The following DAB1 variants were observed in gnomAD, a reference collection of about 807,000 sequenced individuals.
DAB1 encodes DAB adaptor protein 1.
In DAB1, 15 loss-of-function variants were observed where a neutral mutation model predicts 64.6. The ratio of observed to expected loss-of-function variants is 0.23; its 90% CI spans 0.16 to 0.36. The LOEUF (loss-of-function observed/expected upper bound fraction) is 0.36. Ranked by LOEUF, DAB1 falls within the 10% of genes least tolerant of loss-of-function variation. DAB1 has a pLI of 1.00. For missense variants in DAB1, 596 were observed against 706.7 expected (o/e 0.84, Z 1.78); for synonymous variants, 235 against 251.9 (o/e 0.93, Z 0.64).
intron 6 of DAB1, among the ~76,000 whole-genome samples, chr1:57,665,914 T>G (rs1646442689): frequency 2.0e-5 from 3 of 151,078 alleles, no homozygotes; most frequent in Admixed American, 6.6e-5. Context: ...TTTTTCAAAT[T>G]TCCTTTAATG....
At chr1:57,525,255 G>A (rs1644577235) in intron 7 of DAB1, among the ~76,000 whole-genome samples, 1 of 152,142 alleles carries the variant, frequency 6.6e-6, no homozygotes, top group Non-Finnish European at 1.5e-5. Flanking sequence ...AATGCACCAA[G>A]CCTGGTAATC....
intron 5 of DAB1, among the ~76,000 whole-genome samples, chr1:57,900,272 G>A (rs1644454224): frequency 1.3e-5 from 2 of 152,332 alleles, no homozygotes; most frequent in South Asian, 4.1e-4. Context: ...CCCATGGAGA[G>A]AGGTGTTCTT....
intron 4 of DAB1, among the ~76,000 whole-genome samples, chr1:58,171,949 G>A (rs552192712): frequency 6.6e-6 from 1 of 152,322 alleles, no homozygotes; most frequent in South Asian, 2.1e-4. Flanking sequence ...CCCTCAGCAA[G>A]GAACGAGTAC....
intron 7 of DAB1, among the ~76,000 whole-genome samples, chr1:57,600,370 C>CA (rs1219522723): frequency 6.6e-6 from 1 of 152,198 alleles, no homozygotes; most frequent in Non-Finnish European, 1.5e-5. Flanking sequence ...GCGAGCAAGA[C>CA]AAATGGGCTT....
chr1:58,228,159 G>T (rs77868568), intron 4 of DAB1, among the ~76,000 whole-genome samples: 1 of 152,136 alleles, frequency 6.6e-6, no homozygotes, highest in Non-Finnish European at 1.5e-5. Context: ...CAGTATAGTC[G>T]GTTCAAGGCA....
intron 3 of DAB1, among the ~76,000 whole-genome samples, chr1:58,472,004 C>T (rs1053692101): frequency 2.0e-5 from 3 of 152,222 alleles, no homozygotes; most frequent in Admixed American, 1.3e-4. Context: ...ATAATATATG[C>T]AAAGTGTTTA....
At chr1:57,355,412 C>A (rs1383432706) in intron 1 of DAB1, among the ~76,000 whole-genome samples, 1 of 151,716 alleles carries the variant, frequency 6.6e-6, no homozygotes, top group African/African-American at 2.4e-5. Flanking sequence ...GTCCTTCCTT[C>A]CACATTTATT....
intron 7 of DAB1, among the ~76,000 whole-genome samples, chr1:57,537,028 A>G (rs1020609645): frequency 1.3e-5 from 2 of 152,224 alleles, no homozygotes; most frequent in African/African-American, 4.8e-5. Flanking sequence ...AAGACCTAGT[A>G]TGAAAAAAAT....
At chr1:58,144,998 T>C (rs1557669935) in intron 5 of DAB1, among the ~76,000 whole-genome samples, 1 of 152,010 alleles carries the variant, frequency 6.6e-6, no homozygotes, top group African/African-American at 2.4e-5. Flanking sequence ...AAAAAGAACA[T>C]CAGAAGAGGC....
chr1:57,748,250 T>G (rs1648380803), intron 6 of DAB1, among the ~76,000 whole-genome samples: 1 of 152,176 alleles, frequency 6.6e-6, no homozygotes, highest in African/African-American at 2.4e-5. Context: ...ACAGGTGTGA[T>G]TCATTTATTC....
Position 57,069,434 on chromosome 1 carries a change from G to A in DAB1, c.598-9C>T. The A allele has an allele frequency of 6.2e-7, 1 of 1,611,568 alleles. No homozygotes were observed. The highest frequency in any genetic ancestry group is 8.5e-7 in the Non-Finnish European group (1 of 1,177,948). ...GCCTCAAACACAATGTACTATTACA[G>A]GAGCAGCCAGAAAGGAAAGGTCAGA... On this transcript the variant is annotated splice_polypyrimidine_tract_variant and intron_variant, in intron 7 of 14. Coordinates refer to ENST00000371236, the MANE Select transcript of DAB1 (RefSeq NM_001365792.1).
chr1:58,431,820 C>T (rs1377332918), intron 3 of DAB1, among the ~76,000 whole-genome samples: 1 of 152,030 alleles, frequency 6.6e-6, no homozygotes, highest in Non-Finnish European at 1.5e-5. Context: ...GGGCTCTGCA[C>T]ACAGAGGCCT....
At chr1:57,877,303 G>A (rs1644062531) in intron 1 of DAB1, among the ~76,000 whole-genome samples, 1 of 152,066 alleles carries the variant, frequency 6.6e-6, no homozygotes, top group Non-Finnish European at 1.5e-5. Flanking sequence ...TGTACCCTCT[G>A]TCCCAGCTAA....
intron 1 of DAB1, among the ~76,000 whole-genome samples, chr1:57,391,800 C>T (rs948405009): frequency 1.3e-5 from 2 of 151,064 alleles, no homozygotes; most frequent in Non-Finnish European, 3.0e-5. Context: ...CACACACACA[C>T]ACACACACAC....
At chr1:58,051,914 G>T (rs1647698785) in intron 5 of DAB1, among the ~76,000 whole-genome samples, 1 of 152,044 alleles carries the variant, frequency 6.6e-6, no homozygotes, top group African/African-American at 2.4e-5. Context: ...TTGTAAATTT[G>T]TTTAAGTTCT....
In DAB1 at chr1:57,018,637, A is replaced by T. The variant is rs186506773; in HGVS notation, c.896-3206T>A. 1.2e-3 allele frequency among the ~76,000 whole-genome samples: 187 copies of T among 152,290 alleles called. 1 individual carries two copies. Among genetic ancestry groups the T allele is most frequent in the African/African-American group, 4.2e-3 (176 of 41,566 alleles). On this transcript the variant is annotated intron_variant, in intron 11 of 14. Transcript: ENST00000371236. Reference sequence around the variant, plus strand: ...TTCAATCACCCAAGACCTGATGCCCATTTTGGTGAATGAGTGGATGTTTTC... The same window carrying T: ...TTCAATCACCCAAGACCTGATGCCCTTTTTGGTGAATGAGTGGATGTTTTC...
intron 7 of DAB1, among the ~76,000 whole-genome samples, chr1:57,593,935 AT>A (rs770898077): frequency 5.9e-5 from 9 of 152,344 alleles, no homozygotes; most frequent in Non-Finnish European, 1.0e-4. Flanking sequence ...TGAGCCAATC[AT>A]TATGGTTACG....
chr1:57,846,674 GT>G (rs1299999499), intron 1 of DAB1, among the ~76,000 whole-genome samples: 8 of 151,264 alleles, frequency 5.3e-5, no homozygotes, highest in African/African-American at 7.3e-5. Context: ...TTTCATGTCA[GT>G]TTTTTTTTCC....
intron 6 of DAB1, among the ~76,000 whole-genome samples, chr1:57,766,680 T>C (rs1649326774): frequency 6.7e-6 from 1 of 148,276 alleles, no homozygotes; most frequent in Non-Finnish European, 1.5e-5. Flanking sequence ...CTAGCGGGTG[T>C]CCTACAATTT....
Sources: gnomAD v4.1 joint callset for allele counts (sites outside exome capture counted in the v4.1 genomes callset) on GRCh38, gnomAD v4.1.1 for gene constraint, MANE v1.5 for transcripts, NCBI Gene and HGNC (gene_info 2026-07-23, HGNC 2026-07-21) for gene names.